FARP2: variants seen among roughly 807,000 people sequenced by gnomAD.
FARP2 encodes the protein FERM, ARHGEF and pleckstrin domain-containing protein 2.
Under a neutral mutation model 130.5 loss-of-function variants are expected in FARP2, and 111 were observed. That is an observed-to-expected ratio of 0.85 (90% CI 0.73 to 1.00). FARP2 has a LOEUF of 1.00. FARP2 is among the 50% of genes least tolerant of loss of function. The probability of loss-of-function intolerance (pLI) is 0.00; values close to 1 mark genes in which losing one functional copy is unlikely to be tolerated. For synonymous variants in FARP2, 504 were observed against 516.9 expected (o/e 0.98, Z 0.34); for missense variants, 1,385 against 1,346.3 (o/e 1.03, Z -0.45).
At chr2:241,458,158 G>T (rs2063913938) in intron 14 of FARP2, among the ~76,000 whole-genome samples, 1 of 152,028 alleles carries the variant, frequency 6.6e-6, no homozygotes, top group Non-Finnish European at 1.5e-5. Context: ...TTTGCAGATG[G>T]ACCCTAAAAG....
At chr2:241,385,233 A>T (rs2061756528) in intron 2 of FARP2, among the ~76,000 whole-genome samples, 1 of 152,228 alleles carries the variant, frequency 6.6e-6, no homozygotes, top group African/African-American at 2.4e-5. Flanking sequence ...AAAGTAAGTT[A>T]TAAAAACTAA....
chr2:241,490,078 C>T, intron 22 of FARP2, 34 bp downstream of exon 22: 6 of 1,483,064 alleles, frequency 4.0e-6, no homozygotes, highest in Non-Finnish European at 5.7e-6. Flanking sequence ...CCTGAGCAGC[C>T]CTGGATGGAG....
At chr2:241,469,871 T>C (rs568766799) in intron 18 of FARP2, among the ~76,000 whole-genome samples, 61 of 152,346 alleles carry the variant, frequency 4.0e-4, no homozygotes, top group South Asian at 1.2e-3. Flanking sequence ...GTAAAATGTA[T>C]AGACTGGTGC....
intron 7 of FARP2, among the ~76,000 whole-genome samples, chr2:241,413,820 G>A (rs1377352637): frequency 6.6e-6 from 1 of 152,026 alleles, no homozygotes; most frequent in Non-Finnish European, 1.5e-5. Flanking sequence ...GCAGGCACCT[G>A]TAGTCCCAGC....
intron 2 of FARP2, among the ~76,000 whole-genome samples, chr2:241,385,106 T>C (rs1214470696): frequency 6.6e-6 from 1 of 152,212 alleles, no homozygotes; most frequent in Non-Finnish European, 1.5e-5. Flanking sequence ...CATCAGCTCT[T>C]AGTAAAACAC....
At chr2:241,440,191 G>T (rs1489083954) in intron 12 of FARP2, among the ~76,000 whole-genome samples, 1 of 152,220 alleles carries the variant, frequency 6.6e-6, no homozygotes, top group Admixed American at 6.5e-5. Context: ...ACGTGCATGT[G>T]TATATTGCCT....
chr2:241,481,056 CAAAAAAAAAA>C (rs34996407), intron 19 of FARP2, among the ~76,000 whole-genome samples: 20,345 of 105,616 alleles, frequency 0.19, 1,566 homozygotes, highest in Admixed American at 0.22. Flanking sequence ...TTGTCTCTAC[CAAAAAAAAAA>C]AAAAAAAAAA....
chr2:241,418,672 A>G (rs1456898747), intron 8 of FARP2, among the ~76,000 whole-genome samples: 1 of 152,206 alleles, frequency 6.6e-6, no homozygotes, highest in South Asian at 2.1e-4. Context: ...GTAAATAATT[A>G]CATAAATGGT....
At position 241,404,718 on chromosome 2, in the gene FARP2, A is replaced by C. The variant is rs564609571; in HGVS notation, c.289-81A>C. Reference sequence around the variant, plus strand: ...TGACATAAAAATTTATCTTATTATAACCATTTTTGTTTTTATAGCATACTT... The same window carrying C: ...TGACATAAAAATTTATCTTATTATACCCATTTTTGTTTTTATAGCATACTT... On this transcript the variant is annotated intron_variant, in intron 3 of 26. Coordinates refer to ENST00000264042, the MANE Select transcript of FARP2 (RefSeq NM_014808.4). 9.4e-5 allele frequency: 101 copies of C among 1,075,044 alleles called. No individual in the cohort carries two copies. The Middle Eastern group carries it at 1.1e-3, about 12-fold the overall frequency. 66.6% of individuals were successfully genotyped at this position (1,075,044 alleles called of 1,614,324 possible).
At chr2:241,449,488 G>A (rs1486734596) in intron 13 of FARP2, among the ~76,000 whole-genome samples, 1 of 151,552 alleles carries the variant, frequency 6.6e-6, no homozygotes, top group Non-Finnish European at 1.5e-5. Context: ...TTAAAGAGGA[G>A]AATTTAAAAG....
At chr2:241,399,739 G>A (rs368431926) in intron 2 of FARP2, among the ~76,000 whole-genome samples, 2 of 152,114 alleles carry the variant, frequency 1.3e-5, no homozygotes, top group South Asian at 2.1e-4. Context: ...TTGGGGGTGG[G>A]GGAGCTAGTG....
chr2:241,441,215 G>A (rs1403182756), intron 12 of FARP2, 89 bp from the exon 13 acceptor site: 4 of 1,160,090 alleles, frequency 3.4e-6, no homozygotes, highest in Non-Finnish European at 4.9e-6. Flanking sequence ...ATGTGTGGAT[G>A]CCCTAAGTTA....
intron 5 of FARP2, among the ~76,000 whole-genome samples, chr2:241,409,287 C>T (rs540164052): frequency 6.6e-5 from 10 of 152,248 alleles, no homozygotes; most frequent in Non-Finnish European, 1.5e-4. Context: ...CAACGGCTCA[C>T]ACCTGTAATT....
At position 241,437,670 on chromosome 2, in the gene FARP2, A is replaced by ATTTTT. The variant is rs763025047; in HGVS notation, c.1158+1140_1158+1144dup. Among the ~76,000 whole-genome samples the ATTTTT allele has an allele frequency of 3.9e-4, 52 of 133,120 alleles. No homozygotes were observed. In the Admixed American group the frequency reaches 3.9e-3, roughly 10 times the overall value. 87.3% of individuals were successfully genotyped at this position (133,120 alleles called of 152,430 possible). On this transcript the variant is annotated intron_variant, in intron 12 of 26. Transcript: ENST00000264042. ...TATATATTTATTTATTTATTTATTTATTTTTTTTTTTTGAGACGGAGTCTT... is the reference window on the plus strand; with the variant it reads ...TATATATTTATTTATTTATTTATTTATTTTTTTTTTTTTTTTTGAGACGGAGTCTT...
At chr2:241,364,489 G>T (rs1052052812) in intron 1 of FARP2, among the ~76,000 whole-genome samples, 1 of 152,196 alleles carries the variant, frequency 6.6e-6, no homozygotes, top group African/African-American at 2.4e-5. Flanking sequence ...ATAATAAAAG[G>T]CTGTTATTTT....
rs376537655 is a variant in FARP2 at position 241,410,182 on chromosome 2, T to C, written c.411-851T>C. ...CCTTCTCTCATTACATTCTCACTAA[T>C]GGTATTCCAAAGTGCCTGTTTCTCA... On this transcript the variant is annotated intron_variant, in intron 5 of 26. Transcript: ENST00000264042. 1.9e-3 allele frequency among the ~76,000 whole-genome samples: 287 copies of C among 152,374 alleles called. 1 individual carries two copies. Among genetic ancestry groups the C allele is most frequent in the Non-Finnish European group, 3.0e-3 (203 of 68,036 alleles).
intron 11 of FARP2, 142 bp downstream of exon 11, chr2:241,435,172 C>T (rs2063194172): frequency 2.0e-6 from 1 of 504,980 alleles, no homozygotes; most frequent in Non-Finnish European, 3.5e-6. Context: ...CGGCTCACTG[C>T]AGCTTCAGAC....
At chr2:241,371,143 A>G (rs1034860186) in intron 1 of FARP2, among the ~76,000 whole-genome samples, 1 of 152,216 alleles carries the variant, frequency 6.6e-6, no homozygotes, top group Non-Finnish European at 1.5e-5. Flanking sequence ...GTACAGTAGG[A>G]AATGCCTGGC....
chr2:241,373,017 T>C (rs2061457093), intron 1 of FARP2, 67 bp from the exon 2 acceptor site: 4 of 863,694 alleles, frequency 4.6e-6, no homozygotes, highest in Non-Finnish European at 6.5e-6. Flanking sequence ...AATTTGTCTT[T>C]TACCTTGTTT....
Sources: allele counts gnomAD v4.1 joint callset (sites outside exome capture counted in the v4.1 genomes callset), GRCh38; gene constraint gnomAD v4.1.1; transcripts MANE v1.5; gene names NCBI Gene and HGNC (gene_info 2026-07-23, HGNC 2026-07-21).